The following GPM6A variants were observed in gnomAD, a reference collection of about 807,000 sequenced individuals.
GPM6A encodes neuronal membrane glycoprotein M6-a.
In GPM6A, 7 loss-of-function variants were observed where a neutral mutation model predicts 32.1. The ratio of observed to expected loss-of-function variants is 0.22; its 90% CI spans 0.12 to 0.41. The LOEUF (loss-of-function observed/expected upper bound fraction) is 0.41. Ranked by LOEUF, GPM6A falls within the 10% of genes least tolerant of loss-of-function variation. The pLI is 1.00. For synonymous variants in GPM6A, 130 were observed against 123.4 expected, an observed-to-expected ratio of 1.05 and a Z score of -0.35; for missense variants, 235 against 347.2, an observed-to-expected ratio of 0.68 and a Z score of 2.57.
chr4:175,719,195 T>A (rs555357156), intron 1 of GPM6A, among the ~76,000 whole-genome samples: 1 of 137,490 alleles, frequency 7.3e-6, no homozygotes, highest in East Asian at 2.1e-4. Flanking sequence ...AAATTGGGTA[T>A]AACACAACTT....
At chr4:175,789,897 C>A (rs1246622100) in intron 1 of GPM6A, among the ~76,000 whole-genome samples, 1 of 152,080 alleles carries the variant, frequency 6.6e-6, no homozygotes, top group Non-Finnish European at 1.5e-5. Flanking sequence ...AAATCATTTA[C>A]AAGGAGAAAG....
chr4:175,758,783 C>A (rs1255250076), intron 1 of GPM6A, among the ~76,000 whole-genome samples: 1 of 151,900 alleles, frequency 6.6e-6, no homozygotes, highest in East Asian at 1.9e-4. Flanking sequence ...GCAGGGGATA[C>A]AAAATCACAC....
chr4:175,824,429 A>AT (rs1735371463), intron 1 of GPM6A, among the ~76,000 whole-genome samples: 2 of 152,164 alleles, frequency 1.3e-5, no homozygotes, highest in African/African-American at 4.8e-5. Context: ...TGTTTTCGGC[A>AT]TTTACTATTG....
chr4:175,986,152 G>T (rs1443941853), intron 1 of GPM6A, among the ~76,000 whole-genome samples: 7 of 151,994 alleles, frequency 4.6e-5, no homozygotes, highest in Admixed American at 4.6e-4. Context: ...TGATCATATG[G>T]TTTTTTTCCT....
chr4:175,811,598 G>T (rs1482574261), intron 1 of GPM6A, among the ~76,000 whole-genome samples: 1 of 152,078 alleles, frequency 6.6e-6, no homozygotes, highest in Non-Finnish European at 1.5e-5. Context: ...GTTGATTACA[G>T]TCAACTATAT....
At chr4:175,990,734 T>C (rs1026543506) in intron 1 of GPM6A, among the ~76,000 whole-genome samples, 4 of 151,908 alleles carry the variant, frequency 2.6e-5, no homozygotes, top group Admixed American at 1.3e-4. Context: ...TAATGAGATA[T>C]GTGAATTATC....
intron 1 of GPM6A, among the ~76,000 whole-genome samples, chr4:175,968,340 GA>G (rs1445396047): frequency 6.6e-6 from 1 of 152,122 alleles, no homozygotes; most frequent in Non-Finnish European, 1.5e-5. Flanking sequence ...TGACATAGGA[GA>G]AAAATGTAAG....
intron 1 of GPM6A, among the ~76,000 whole-genome samples, chr4:175,706,706 A>C (rs760759880): frequency 2.0e-5 from 3 of 152,128 alleles, no homozygotes; most frequent in Non-Finnish European, 4.4e-5. Flanking sequence ...CTCCATCTTG[A>C]ATAGGGGCTG....
At chr4:175,644,206 C>G (rs568952349) in intron 4 of GPM6A, among the ~76,000 whole-genome samples, 1 of 146,738 alleles carries the variant, frequency 6.8e-6, no homozygotes, top group South Asian at 2.2e-4. Flanking sequence ...TCACTGCAAG[C>G]TCCGCTTCCC....
intron 1 of GPM6A, among the ~76,000 whole-genome samples, chr4:175,966,076 C>A (rs931224101): frequency 1.3e-5 from 2 of 152,088 alleles, no homozygotes; most frequent in African/African-American, 4.8e-5. Flanking sequence ...TCTAAGTAGA[C>A]CTTTGCAATG....
At chr4:175,663,428 T>C (rs1353386776) in intron 3 of GPM6A, among the ~76,000 whole-genome samples, 2 of 152,098 alleles carry the variant, frequency 1.3e-5, no homozygotes, top group Non-Finnish European at 1.5e-5. Flanking sequence ...AAGGTTTCAG[T>C]TAGAAGGAAT....
chr4:175,733,829 G>T (rs182368126), intron 1 of GPM6A, among the ~76,000 whole-genome samples: 1 of 152,238 alleles, frequency 6.6e-6, no homozygotes, highest in East Asian at 1.9e-4. Flanking sequence ...TGCTTTAAAA[G>T]CTAGCATTAA....
intron 1 of GPM6A, among the ~76,000 whole-genome samples, chr4:175,802,523 G>A (rs1734512053): frequency 6.6e-6 from 1 of 151,778 alleles, no homozygotes; most frequent in Non-Finnish European, 1.5e-5. Context: ...CGTAAAAGAA[G>A]GCAAAAGAAA....
intron 1 of GPM6A, among the ~76,000 whole-genome samples, chr4:175,726,890 G>A (rs928684994): frequency 1.4e-4 from 21 of 152,080 alleles, no homozygotes; most frequent in African/African-American, 2.2e-4. Flanking sequence ...CAGCTATTCA[G>A]GAGGCTGAGG....
chr4:175,715,134 A>G (rs1223515852), intron 1 of GPM6A, among the ~76,000 whole-genome samples: 1 of 152,144 alleles, frequency 6.6e-6, no homozygotes, highest in African/African-American at 2.4e-5. Context: ...ATTAACATAA[A>G]TGTTCCTCCC....
At chr4:175,910,814 C>T (rs1021276856) in intron 1 of GPM6A, among the ~76,000 whole-genome samples, 3 of 152,122 alleles carry the variant, frequency 2.0e-5, no homozygotes, top group African/African-American at 7.2e-5. Flanking sequence ...ATATTTTAGG[C>T]TTTATTGGCC....
At chr4:175,994,354 T>C (rs1423193190) in intron 1 of GPM6A, among the ~76,000 whole-genome samples, 1 of 152,082 alleles carries the variant, frequency 6.6e-6, no homozygotes. Context: ...GATTAGAAAA[T>C]AAAAATAGTG....
chr4:175,924,331 G>A (rs923921539), intron 1 of GPM6A, among the ~76,000 whole-genome samples: 2 of 152,176 alleles, frequency 1.3e-5, no homozygotes, highest in African/African-American at 4.8e-5. Context: ...ACAGACCAAA[G>A]TGGCAGTGAG....
At chr4:175,645,539 G>C (rs540555733) in intron 4 of GPM6A, among the ~76,000 whole-genome samples, 1 of 151,792 alleles carries the variant, frequency 6.6e-6, no homozygotes, top group Admixed American at 6.6e-5. Flanking sequence ...TGGCCAACAT[G>C]GTAAAACCCC....
Sources: gnomAD v4.1 joint callset for allele counts (sites outside exome capture counted in the v4.1 genomes callset) on GRCh38, gnomAD v4.1.1 for gene constraint, MANE v1.5 for transcripts, NCBI Gene and HGNC (gene_info 2026-07-23, HGNC 2026-07-21) for gene names.